The following KSR2 variants were observed in gnomAD, a reference collection of about 807,000 sequenced individuals.
KSR2 encodes the protein kinase suppressor of ras 2.
In KSR2, 25 loss-of-function variants were observed where a neutral mutation model predicts 107.8. That is an observed-to-expected ratio of 0.23 (90% confidence interval 0.17 to 0.32). KSR2 has a LOEUF of 0.32. KSR2 is among the 10% of genes least tolerant of loss of function. The pLI, the probability that KSR2 is intolerant of heterozygous loss-of-function variation, is 1.00. For missense variants in KSR2, 887 were observed against 1,268.9 expected (o/e 0.70, Z 4.57); for synonymous variants, 480 against 507.0 (o/e 0.95, Z 0.71).
intron 5 of KSR2, among the ~76,000 whole-genome samples, chr12:117,604,193 T>C (rs1881104315): frequency 6.6e-6 from 1 of 152,166 alleles, no homozygotes; most frequent in Non-Finnish European, 1.5e-5. Context: ...CCTAAGCTTA[T>C]TGAATAGGTA....
intron 3 of KSR2, among the ~76,000 whole-genome samples, chr12:117,843,730 A>ACCTTAAG (rs1892589188): frequency 6.6e-6 from 1 of 152,130 alleles, no homozygotes; most frequent in Non-Finnish European, 1.5e-5. Context: ...CCTTAAGTTC[A>ACCTTAAG]CCACCAGATG....
At chr12:117,714,446 A>T (rs2136666057) in intron 4 of KSR2, among the ~76,000 whole-genome samples, 1 of 152,306 alleles carries the variant, frequency 6.6e-6, no homozygotes, top group East Asian at 1.9e-4. Context: ...AGCGAAAAGG[A>T]AGAGGAGGAG....
At chr12:117,817,935 C>T (rs1275352119) in intron 3 of KSR2, among the ~76,000 whole-genome samples, 3 of 151,898 alleles carry the variant, frequency 2.0e-5, no homozygotes, top group Non-Finnish European at 4.4e-5. Flanking sequence ...ACCCCGTCTA[C>T]ACTAAAAATA....
chr12:117,525,549 T>C (rs1413152481), intron 13 of KSR2, among the ~76,000 whole-genome samples: 2 of 152,180 alleles, frequency 1.3e-5, no homozygotes, highest in East Asian at 3.9e-4. Context: ...TCCCATATGT[T>C]GCCCTGGGAA....
At chr12:117,653,199 A>T (rs947698771) in intron 5 of KSR2, among the ~76,000 whole-genome samples, 4 of 152,232 alleles carry the variant, frequency 2.6e-5, no homozygotes, top group African/African-American at 7.2e-5. Context: ...GATTATCATA[A>T]GCTTAACCAA....
chr12:117,921,788 T>C (rs919863973), intron 1 of KSR2, among the ~76,000 whole-genome samples: 1 of 152,190 alleles, frequency 6.6e-6, no homozygotes, highest in African/African-American at 2.4e-5. Flanking sequence ...TCCCCTTGCA[T>C]TGGGCTCACG....
intron 17 of KSR2, among the ~76,000 whole-genome samples, chr12:117,475,342 A>AT (rs1275166238): frequency 1.3e-5 from 2 of 151,594 alleles, no homozygotes; most frequent in African/African-American, 2.4e-5. Context: ...CCCCAGCCTA[A>AT]TTTTTTTCCT....
intron 5 of KSR2, among the ~76,000 whole-genome samples, chr12:117,610,951 G>A (rs948895872): frequency 2.0e-5 from 3 of 152,008 alleles, no homozygotes; most frequent in Non-Finnish European, 4.4e-5. Flanking sequence ...ATAGTATTGT[G>A]TAAAAAATAC....
rs139210490 is a variant in KSR2, at chr12:117,936,508, TATTTTA to T, written c.180+31562_180+31567del. Among the ~76,000 whole-genome samples the T allele has an allele frequency of 4.4e-3, 457 of 104,060 alleles. 5 individuals are homozygous for T. The highest frequency in any genetic ancestry group is 0.014 in the African/African-American group (436 of 30,934). The allele number at this position is 104,060 out of a possible 152,430, so 68.3% of individuals were successfully genotyped here. On this transcript the variant is annotated intron_variant, in intron 1 of 19. Coordinates refer to ENST00000339824, the MANE Select transcript of KSR2 (RefSeq NM_173598.6). ...TGCCTGGCTACTTTATCATTATTATTATTTTATTATTATTATTATTATTATTAGTAG... is the reference window on the plus strand; with the variant it reads ...TGCCTGGCTACTTTATCATTATTATTTTATTATTATTATTATTATTAGTAG...
chr12:117,577,354 G>GGA (rs36112588), intron 7 of KSR2, among the ~76,000 whole-genome samples: 2 of 143,828 alleles, frequency 1.4e-5, no homozygotes, highest in African/African-American at 2.8e-5. Flanking sequence ...GTTTACAGAA[G>GGA]GAGAGAGAGA....
chr12:117,811,730 C>T (rs936494480), intron 3 of KSR2, among the ~76,000 whole-genome samples: 1 of 152,172 alleles, frequency 6.6e-6, no homozygotes, highest in African/African-American at 2.4e-5. Flanking sequence ...CTGAGGAGGT[C>T]AGTGAAAGAT....
intron 4 of KSR2, among the ~76,000 whole-genome samples, chr12:117,709,970 T>C (rs561358088): frequency 1.3e-5 from 2 of 152,322 alleles, no homozygotes; most frequent in African/African-American, 2.4e-5. Flanking sequence ...AAAGTCTTGA[T>C]CTACACTGGT....
chr12:117,875,016 C>A lies in KSR2; in HGVS notation c.181-14585G>T, dbSNP rs949514718. 3.9e-5 allele frequency among the ~76,000 whole-genome samples: 6 copies of A among 152,260 alleles called. No homozygotes were observed. The East Asian group carries it at 1.2e-3, about 29-fold the overall frequency. On this transcript the variant is annotated intron_variant, in intron 1 of 19. Transcript: ENST00000339824. Reference sequence around the variant, plus strand: ...GCCCGGAGGTGTAATTTTCCATCTCCACACCAGGGGGCAGCCTGGCACCTT... The same window carrying A: ...GCCCGGAGGTGTAATTTTCCATCTCAACACCAGGGGGCAGCCTGGCACCTT...
intron 9 of KSR2, among the ~76,000 whole-genome samples, chr12:117,546,399 T>C (rs1455108256): frequency 6.6e-6 from 1 of 152,258 alleles, no homozygotes; most frequent in Non-Finnish European, 1.5e-5. Context: ...GATGCTTTTG[T>C]CTGTCTTCAG....
At chr12:117,736,213 T>G (rs1887930394) in intron 4 of KSR2, among the ~76,000 whole-genome samples, 1 of 152,222 alleles carries the variant, frequency 6.6e-6, no homozygotes, top group Non-Finnish European at 1.5e-5. Context: ...TTATTCACTT[T>G]GTTTTCCTTG....
At chr12:117,794,250 T>G (rs1362973902) in intron 3 of KSR2, among the ~76,000 whole-genome samples, 1 of 71,994 alleles carries the variant, frequency 1.4e-5, no homozygotes, top group African/African-American at 7.9e-5. Context: ...CACACCAACA[T>G]GCACACATAC....
chr12:117,574,152 G>A (rs1414834949), intron 7 of KSR2, among the ~76,000 whole-genome samples: 1 of 152,060 alleles, frequency 6.6e-6, no homozygotes, highest in East Asian at 1.9e-4. Flanking sequence ...CTGCCCCAGA[G>A]GTATTGAACC....
chr12:117,658,791 C>T (rs1465417632), intron 5 of KSR2, among the ~76,000 whole-genome samples: 1 of 152,106 alleles, frequency 6.6e-6, no homozygotes, highest in Non-Finnish European at 1.5e-5. Context: ...GAAACAAACC[C>T]AACCCCCCTG....
chr12:117,497,002 C>T (rs78651868), intron 14 of KSR2, among the ~76,000 whole-genome samples: 3 of 151,566 alleles, frequency 2.0e-5, no homozygotes, highest in Non-Finnish European at 2.9e-5. Flanking sequence ...GTGGTACACA[C>T]CTGTACATGG....
Sources: allele counts gnomAD v4.1 joint callset (sites outside exome capture counted in the v4.1 genomes callset), GRCh38; gene constraint gnomAD v4.1.1; transcripts MANE v1.5; gene names NCBI Gene and HGNC (gene_info 2026-07-23, HGNC 2026-07-21).